PLEKHA5: variants seen among roughly 807,000 people sequenced by gnomAD.
PLEKHA5 encodes the protein pleckstrin homology domain containing A5, also known as pleckstrin homology domain-containing family A member 5.
PLEKHA5 carries 55 observed loss-of-function variants against 181.9 expected under a neutral mutation model. The ratio of observed to expected loss-of-function variants is 0.30; its 90% CI spans 0.24 to 0.38. PLEKHA5 has a LOEUF of 0.38. Ranked by LOEUF, PLEKHA5 falls within the 10% of genes least tolerant of loss-of-function variation. PLEKHA5 has a pLI of 1.00. For missense variants in PLEKHA5, 1,432 were observed against 1,549.5 expected (o/e 0.92, Z 1.27); for synonymous variants, 535 against 529.4 (o/e 1.01, Z -0.15).
chr12:19,202,995 A>G (rs898260220), intron 3 of PLEKHA5, among the ~76,000 whole-genome samples: 1 of 152,142 alleles, frequency 6.6e-6, no homozygotes, highest in Non-Finnish European at 1.5e-5. Context: ...GAAACATTGT[A>G]TCAGGTTTTG....
intron 11 of PLEKHA5, among the ~76,000 whole-genome samples, chr12:19,277,092 A>G (rs955364153): frequency 3.9e-5 from 6 of 152,212 alleles, no homozygotes; most frequent in Admixed American, 3.9e-4. Flanking sequence ...CTTATATATT[A>G]CTAGCAGGAA....
intron 15 of PLEKHA5, among the ~76,000 whole-genome samples, chr12:19,302,452 G>A (rs1388284211): frequency 6.6e-6 from 1 of 152,218 alleles, no homozygotes; most frequent in Non-Finnish European, 1.5e-5. Context: ...CTGGAGTGCA[G>A]TGGCATGATT....
At chr12:19,142,824 A>G (rs909626820) in intron 3 of PLEKHA5, among the ~76,000 whole-genome samples, 5 of 151,968 alleles carry the variant, frequency 3.3e-5, no homozygotes, top group African/African-American at 1.2e-4. Flanking sequence ...CCCCATTTCT[A>G]TTCTATTTTT....
chr12:19,322,558 T>C lies in PLEKHA5; in HGVS notation c.2339T>C (p.Ile780Thr), dbSNP rs749534671. The change falls in exon 20 of 32, where the codon ATA becomes ACA. Residue 780 changes from isoleucine (I) to threonine (T), a missense_variant. Coordinates refer to ENST00000429027, the MANE Select transcript of PLEKHA5 (RefSeq NM_001256470.2). ...GCTTTGCTATCAGCCAGCCAAGAGA[T>C]AGAAATGCATGCAGATAACCCAGCA... ...EQALLSASQEIEMHADNPAAI... is the reference protein window; with the variant it reads ...EQALLSASQETEMHADNPAAI... 1.2e-6 allele frequency: 2 copies of C among 1,614,044 alleles called. No individual in the cohort carries two copies. The highest frequency in any genetic ancestry group is 1.1e-5 in the South Asian group (1 of 91,086).
At chr12:19,360,467 C>T (rs73065183) in intron 28 of PLEKHA5, among the ~76,000 whole-genome samples, 11,690 of 151,658 alleles carry the variant, frequency 0.077, 509 homozygotes, top group African/African-American at 0.11. Flanking sequence ...GTTAGCCAGG[C>T]ACAGTGACAC....
At position 19,353,998 on chromosome 12, in the gene PLEKHA5, G is replaced by A; in HGVS notation, c.3134G>A (p.Arg1045Lys). 2 of 1,437,370 alleles carry A rather than the reference G, an allele frequency of 1.4e-6. No homozygotes were observed. Among genetic ancestry groups the A allele is most frequent in the East Asian group, 2.3e-5 (1 of 43,928 alleles). The allele number at this position is 1,437,370 out of a possible 1,614,324, so 89.0% of individuals were successfully genotyped here. A position where few individuals can be genotyped will look rare whatever the true frequency, so the allele number is the denominator to read the frequency against. Reference protein sequence around the residue: ...LRKTKKMMDLRTERPRSAVEQ... With the variant: ...LRKTKKMMDLKTERPRSAVEQ... Reference sequence around the variant, plus strand: ...AAAACTAAGAAGATGATGGATCTAAGAACGGTATTTAACTGGAAATTAATC... The same window carrying A: ...AAAACTAAGAAGATGATGGATCTAAAAACGGTATTTAACTGGAAATTAATC... The change falls in exon 26 of 32, where the codon AGA becomes AAA. Residue 1045 changes from arginine (R) to lysine (K), a missense_variant. Physicochemically the swap from Arg to Lys is conservative, Grantham distance 26. Coordinates refer to ENST00000429027, the MANE Select transcript of PLEKHA5 (RefSeq NM_001256470.2).
At chr12:19,176,471 C>G (rs2047259479) in intron 3 of PLEKHA5, 1 of 151,958 alleles carries the variant, frequency 6.6e-6, no homozygotes, top group African/African-American at 2.4e-5. Context: ...TGATGCTGAA[C>G]TTAGTACGGA....
At chr12:19,328,012 T>C (rs984230810) in intron 20 of PLEKHA5, among the ~76,000 whole-genome samples, 10 of 152,214 alleles carry the variant, frequency 6.6e-5, no homozygotes, top group Non-Finnish European at 1.2e-4. Flanking sequence ...TTTTTGTATA[T>C]GGTGAAAGTA....
chr12:19,218,100 G>A (rs141383640), intron 3 of PLEKHA5, among the ~76,000 whole-genome samples: 23 of 152,246 alleles, frequency 1.5e-4, no homozygotes, highest in Non-Finnish European at 3.1e-4. Flanking sequence ...AGTTATTTCA[G>A]TAAATTAGAA....
chr12:19,370,623 G>A (rs1427425380), intron 31 of PLEKHA5: 2 of 152,022 alleles, frequency 1.3e-5, no homozygotes, highest in Non-Finnish European at 2.9e-5. Context: ...ATTTTCTGCT[G>A]AACAGCAGCA....
intron 30 of PLEKHA5, among the ~76,000 whole-genome samples, chr12:19,366,455 C>G (rs1167956067): frequency 2.6e-5 from 4 of 152,102 alleles, no homozygotes; most frequent in Non-Finnish European, 4.4e-5. Context: ...GGGTTCAAGA[C>G]CAGCCTGGCC....
At chr12:19,252,124 ATATCTT>A (rs1337041467) in intron 3 of PLEKHA5, among the ~76,000 whole-genome samples, 1 of 150,828 alleles carries the variant, frequency 6.6e-6, no homozygotes, top group South Asian at 2.1e-4. Context: ...AAAACTATCT[ATATCTT>A]TATATTAATA....
intron 25 of PLEKHA5, among the ~76,000 whole-genome samples, chr12:19,352,399 A>G (rs1025744837): frequency 6.6e-6 from 1 of 151,982 alleles, no homozygotes; most frequent in African/African-American, 2.4e-5. Context: ...AAAAAAAAGA[A>G]AAATACAGAA....
At chr12:19,247,388 T>C (rs549138496) in intron 3 of PLEKHA5, among the ~76,000 whole-genome samples, 7 of 152,336 alleles carry the variant, frequency 4.6e-5, no homozygotes, top group African/African-American at 1.7e-4. Flanking sequence ...GCCCAGGTGT[T>C]CCAGTAGTTA....
intron 25 of PLEKHA5, 36 bp from the exon 26 acceptor site, chr12:19,353,848 A>G (rs749729497): frequency 1.1e-6 from 1 of 897,708 alleles, no homozygotes; most frequent in Admixed American, 1.8e-5. Context: ...TGTATAAAAG[A>G]TGTTTTGTAA....
intron 12 of PLEKHA5, among the ~76,000 whole-genome samples, chr12:19,285,671 G>T (rs1213442525): frequency 6.6e-6 from 1 of 152,192 alleles, no homozygotes; most frequent in African/African-American, 2.4e-5. Context: ...GACTATGCTA[G>T]TGGTCATTGT....
chr12:19,206,251 T>A (rs1174243875), intron 3 of PLEKHA5, among the ~76,000 whole-genome samples: 1 of 152,036 alleles, frequency 6.6e-6, no homozygotes, highest in Non-Finnish European at 1.5e-5. Flanking sequence ...GGGCGATATT[T>A]TTATGCGTTT....
chr12:19,233,551 T>C (rs1271687048), intron 3 of PLEKHA5, among the ~76,000 whole-genome samples: 1 of 152,180 alleles, frequency 6.6e-6, no homozygotes, highest in Non-Finnish European at 1.5e-5. Context: ...ATTTAGTTGT[T>C]TGAACATAAG....
intron 20 of PLEKHA5, among the ~76,000 whole-genome samples, chr12:19,323,252 G>A (rs2091343279): frequency 6.6e-6 from 1 of 152,044 alleles, no homozygotes; most frequent in Non-Finnish European, 1.5e-5. Context: ...TCTGGATGTG[G>A]TGGCTCACTC....
Sources: gnomAD v4.1 joint callset for allele counts (sites outside exome capture counted in the v4.1 genomes callset) on GRCh38, gnomAD v4.1.1 for gene constraint, MANE v1.5 for transcripts, NCBI Gene and HGNC (gene_info 2026-07-23, HGNC 2026-07-21) for gene names.